The following ZNF862 variants were observed in gnomAD, a reference collection of about 807,000 sequenced individuals.
ZNF862 encodes the protein zinc finger protein 862.
Under a neutral mutation model 91.1 loss-of-function variants are expected in ZNF862, and 64 were observed. The ratio of observed to expected loss-of-function variants is 0.70; its 90% CI spans 0.57 to 0.87. The LOEUF is 0.87. Among genes scored for constraint, ZNF862 ranks in the 40% least tolerant of loss-of-function variants. The pLI, the probability that ZNF862 is intolerant of heterozygous loss-of-function variation, is 0.00. For missense variants in ZNF862, 1,459 were observed against 1,528.0 expected (o/e 0.95, Z 0.75); for synonymous variants, 631 against 618.1 (o/e 1.02, Z -0.31).
At chr7:149,844,161 C>G (rs1199161675) in intron 1 of ZNF862, among the ~76,000 whole-genome samples, 1 of 152,198 alleles carries the variant, frequency 6.6e-6, no homozygotes, top group Non-Finnish European at 1.5e-5. Flanking sequence ...GGATGTAGAT[C>G]TCAGCCCCAA....
rs1320959342 is a variant in ZNF862 at position 149,860,871 on chromosome 7, C to T, written c.1711C>T (p.Pro571Ser). 6.2e-7 allele frequency: 1 copy of T among 1,613,644 alleles called. No homozygotes were observed. Among genetic ancestry groups the T allele is most frequent in the East Asian group, 2.2e-5 (1 of 44,878 alleles). The change falls in exon 7 of 8, where the codon CCC becomes TCC. Residue 571 changes from proline to serine, a missense_variant. Physicochemically the swap from Pro to Ser is moderately conservative, Grantham distance 74. Transcript: ENST00000223210. ...CTACTCCATTGCATACCACTCAAGG[C>T]CCCTGAATGACTTTGAGAAGATCCT... ...AAYSIAYHSR[P>S]LNDFEKILQL...
chr7:149,859,324 GAC>G, intron 5 of ZNF862, 96 bp from the exon 6 acceptor site: 1 of 1,108,780 alleles, frequency 9.0e-7, no homozygotes. Flanking sequence ...AGAACCCAGA[GAC>G]ACCTCTGTGT....
intron 4 of ZNF862, 144 bp downstream of exon 4, chr7:149,848,576 A>T: frequency 1.5e-6 from 1 of 664,238 alleles, no homozygotes; most frequent in Non-Finnish European, 2.4e-6. Context: ...CAACATGCTT[A>T]TCATGGACTA....
intron 6 of ZNF862, chr7:149,859,828 A>G (rs757275767): frequency 2.8e-6 from 1 of 361,192 alleles, no homozygotes; most frequent in Non-Finnish European, 5.0e-6. Flanking sequence ...GGGGACCCAG[A>G]GATCTGTGAG....
At position 149,841,164 on chromosome 7, in the gene ZNF862, A is replaced by G. The variant is rs561501702; in HGVS notation, c.24+2529A>G. ...TAAGATGTGTTGCAAATGAGTGACA[A>G]GGAATAGCGGTGCTGTTCTACAACT... is the stretch of plus-strand genomic sequence containing the variant. On this transcript the variant is annotated intron_variant, in intron 1 of 7. Transcript: ENST00000223210. 1.8e-4 allele frequency: 181 copies of G among 985,466 alleles called. 3 individuals are homozygous for G. In the South Asian group the frequency reaches 7.4e-3, roughly 40 times the overall value. The allele number at this position is 985,466 out of a possible 1,614,324, so 61.0% of individuals were successfully genotyped here.
Position 149,852,372 on chromosome 7 carries a change from T to TGTGA in ZNF862, c.1117+2035_1117+2036insTGAG, listed in dbSNP as rs397724269. Among the ~76,000 whole-genome samples, 1,147 of 143,794 alleles carry TGTGA rather than the reference T, an allele frequency of 8.0e-3. 6 individuals carry two copies. Among genetic ancestry groups the TGTGA allele is most frequent in the East Asian group, 0.025 (119 of 4,816 alleles). The allele number at this position is 143,794 out of a possible 152,430, so 94.3% of individuals were successfully genotyped here. A position where few individuals can be genotyped will look rare whatever the true frequency, so the allele number is the denominator to read the frequency against. ...GTGTGTGTGTGTGTGTGTGTGTGTGTGAGAGAGAGAGAGAGAGACAGGCTG... is the reference window on the plus strand; with the variant it reads ...GTGTGTGTGTGTGTGTGTGTGTGTGTGTGAGAGAGAGAGAGAGAGAGACAGGCTG... On this transcript the variant is annotated intron_variant, in intron 5 of 7. Transcript: ENST00000223210.
At chr7:149,844,538 T>C in intron 1 of ZNF862, 87 bp from the exon 2 acceptor site, 4 of 861,486 alleles carry the variant, frequency 4.6e-6, no homozygotes, top group Non-Finnish European at 7.5e-6. Context: ...CCTCCCCGTG[T>C]AGGGTGCCCT....
chr7:149,848,628 T>C (rs561946967), intron 4 of ZNF862, among the ~76,000 whole-genome samples, 196 bp downstream of exon 4: 213 of 152,342 alleles, frequency 1.4e-3, no homozygotes, highest in Non-Finnish European at 2.5e-3. Flanking sequence ...CTCATTTAAT[T>C]TGGACAACAA....
chr7:149,849,167 G>A (rs181743237), intron 4 of ZNF862, among the ~76,000 whole-genome samples: 1 of 152,314 alleles, frequency 6.6e-6, no homozygotes, highest in Admixed American at 6.5e-5. Context: ...TTTCACACAT[G>A]TTGTTTGATG....
At position 149,855,133 on chromosome 7, in the gene ZNF862, G is replaced by A. The variant is rs1365218125; in HGVS notation, c.1118-4289G>A. 1.3e-5 allele frequency among the ~76,000 whole-genome samples: 2 copies of A among 152,234 alleles called. No homozygotes were observed. Among genetic ancestry groups the A allele is most frequent in the Non-Finnish European group, 1.5e-5 (1 of 68,046 alleles). On this transcript the variant is annotated intron_variant, in intron 5 of 7. Transcript: ENST00000223210. The surrounding 1 kb of genome is among the most constrained non-coding windows in gnomAD (Gnocchi z 4.1). ...AAACAATTTACTCTCAAATGGTTCAGAAAAATATTGTAGCTATACGTATAG... is the reference window on the plus strand; with the variant it reads ...AAACAATTTACTCTCAAATGGTTCAAAAAAATATTGTAGCTATACGTATAG...
At chr7:149,846,094 C>T in intron 2 of ZNF862, 57 bp from the exon 3 acceptor site, 1 of 1,300,054 alleles carries the variant, frequency 7.7e-7, no homozygotes, top group East Asian at 2.4e-5. Context: ...GACCCGGAGC[C>T]AGGTCTTCAT....
At chr7:149,844,802 T>G in intron 2 of ZNF862, 66 bp downstream of exon 2, 1 of 1,081,314 alleles carries the variant, frequency 9.2e-7, no homozygotes, top group Admixed American at 2.0e-5. Flanking sequence ...CTCATCTGCG[T>G]CAGGAACACT....
chr7:149,848,768 AC>A (rs1801965586), intron 4 of ZNF862, among the ~76,000 whole-genome samples: 1 of 152,200 alleles, frequency 6.6e-6, no homozygotes, highest in South Asian at 2.1e-4. Context: ...ATAGCCTACA[AC>A]CACAAAATCA....
rs1802493181 is a variant in ZNF862 at position 149,861,447 on chromosome 7, A to C, written c.2287A>C (p.Arg763=). The change falls in exon 7 of 8, where the codon AGG becomes CGG. Residue 763 remains arginine (R), a synonymous_variant. Coordinates refer to ENST00000223210, the MANE Select transcript of ZNF862 (RefSeq NM_001099220.3). The surrounding 1 kb of genome is among the most constrained non-coding windows in gnomAD (Gnocchi z 6.7). ...VFKFYQSSNK[R]LNELQEGAAP... ...CAAGTTTTATCAGTCCTCAAACAAG[A>C]GGCTGAACGAGCTGCAGGAAGGTGC... The C allele has an allele frequency of 6.2e-7, 1 of 1,613,462 alleles. No individual in the cohort carries two copies. Among genetic ancestry groups the C allele is most frequent in the Non-Finnish European group, 8.5e-7 (1 of 1,179,900 alleles).
At chr7:149,854,836 A>G (rs1802202185) in intron 5 of ZNF862, among the ~76,000 whole-genome samples, 1 of 152,198 alleles carries the variant, frequency 6.6e-6, no homozygotes, top group Non-Finnish European at 1.5e-5. Context: ...TGAAGCTCTG[A>G]CTTCCTGGGC....
intron 1 of ZNF862, 130 bp from the exon 2 acceptor site, chr7:149,844,495 G>C: frequency 1.6e-6 from 1 of 613,412 alleles, no homozygotes; most frequent in Non-Finnish European, 2.9e-6. Context: ...GGGAGAGATG[G>C]GGTGTGGGCC....
At position 149,850,088 on chromosome 7, in the gene ZNF862, A is replaced by G. The variant is rs1802008965; in HGVS notation, c.940-73A>G. 7 of 1,512,436 alleles carry G rather than the reference A, an allele frequency of 4.6e-6. No homozygotes were observed. In the East Asian group the frequency reaches 1.7e-4, roughly 37 times the overall value. 93.7% of individuals were successfully genotyped at this position (1,512,436 alleles called of 1,614,324 possible). On this transcript the variant is annotated intron_variant, in intron 4 of 7. Transcript: ENST00000223210. This position sits in a 1 kb window ranked among gnomAD's most constrained non-coding sequence, Gnocchi z 4.2. The stretch of plus-strand genomic sequence containing the variant: ...GCTTCCCAGGAGAAATAGGGCTTCC[A>G]AAGGCCCCAGAAGTGTCACGTGGGA...
In ZNF862 at chr7:149,865,808, G is replaced by T. The variant is rs896283634; in HGVS notation, c.*1524G>T. On this transcript the variant is annotated 3_prime_UTR_variant, in exon 8 of 8. Transcript: ENST00000223210. ...CTGTGCTGTGCTGCAGGCCCCTGTG[G>T]GTGGGCCCTTTCTCCATAGTCTGCC... is the stretch of plus-strand genomic sequence containing the variant. The T allele has an allele frequency of 6.6e-6, 1 of 152,296 alleles. No homozygotes were observed. Among genetic ancestry groups the T allele is most frequent in the African/African-American group, 2.4e-5 (1 of 41,436 alleles). 9.4% of individuals were successfully genotyped at this position (152,296 alleles called of 1,614,324 possible). A position where few individuals can be genotyped will look rare whatever the true frequency, so the allele number is the denominator to read the frequency against.
chr7:149,862,416 C>T lies in ZNF862; in HGVS notation c.3256C>T (p.His1086Tyr), dbSNP rs770456932. 2.5e-6 allele frequency: 4 copies of T among 1,612,586 alleles called. No homozygotes were observed. In the East Asian group the frequency reaches 6.7e-5, roughly 27 times the overall value. The change falls in exon 7 of 8, where the codon CAC (histidine) becomes TAC (tyrosine). Residue 1086 changes from histidine to tyrosine, a missense_variant. By Grantham distance (83) the His-to-Tyr change is moderately conservative. Transcript: ENST00000223210. ...GTACGACCCCCAGCCCGCCATCCAG[C>T]ACTGGTACCTGACCTCCTCAGGCCG... ...TEYDPQPAIQ[H>Y]WYLTSSGRRF...
Sources: gnomAD v4.1 joint callset for allele counts (sites outside exome capture counted in the v4.1 genomes callset) on GRCh38, gnomAD v4.1.1 for gene constraint, Gnocchi (gnomAD v3.1) non-coding constraint, MANE v1.5 for transcripts, NCBI Gene and HGNC (gene_info 2026-07-23, HGNC 2026-07-21) for gene names.